The following JAKMIP3 variants were observed in gnomAD, a reference collection of about 807,000 sequenced individuals.
JAKMIP3 encodes the protein Janus kinase and microtubule interacting protein 3, also known as janus kinase and microtubule-interacting protein 3.
A neutral mutation model predicts 118.5 loss-of-function variants in JAKMIP3; 58 were observed. The observed-to-expected ratio is 0.49, with a 90% CI of 0.40 to 0.61. The LOEUF is 0.61. JAKMIP3 is among the 20% of genes least tolerant of loss of function. JAKMIP3 has a pLI of 0.00. For synonymous variants in JAKMIP3, 486 were observed against 451.2 expected, an observed-to-expected ratio of 1.08 and a Z score of -0.98; for missense variants, 950 against 1,109.0, an observed-to-expected ratio of 0.86 and a Z score of 2.04.
In JAKMIP3 at chr10:132,135,911, A is replaced by G. The variant is rs1321242594; in HGVS notation, c.970-19A>G. On this transcript the variant is annotated intron_variant, in intron 5 of 23. Coordinates refer to ENST00000684848, the MANE Select transcript of JAKMIP3 (RefSeq NM_001323087.2). Reference sequence around the variant, plus strand: ...TCTCCGTCACTTAAAGAACAATCACATAGTGCGTTGTCTTTCAGTTGAAGC... The same window carrying G: ...TCTCCGTCACTTAAAGAACAATCACGTAGTGCGTTGTCTTTCAGTTGAAGC... 8 of 1,606,384 alleles carry G rather than the reference A, an allele frequency of 5.0e-6. No individual in the cohort carries two copies. Among genetic ancestry groups the G allele is most frequent in the African/African-American group, 1.3e-5 (1 of 74,442 alleles).
chr10:132,069,757 T>G (rs2039524391), intron 1 of JAKMIP3, among the ~76,000 whole-genome samples: 1 of 152,174 alleles, frequency 6.6e-6, no homozygotes, highest in East Asian at 1.9e-4. Context: ...TCCAGTGACA[T>G]TTAGCAAAAA....
intron 23 of JAKMIP3, among the ~76,000 whole-genome samples, chr10:132,170,936 C>T (rs563686717): frequency 5.9e-5 from 9 of 152,348 alleles, no homozygotes; most frequent in African/African-American, 7.2e-5. Flanking sequence ...TGGCCCCAAG[C>T]GTCACGTTGC....
chr10:132,127,415 T>TGC (rs1222745711), intron 3 of JAKMIP3, among the ~76,000 whole-genome samples: 1 of 151,182 alleles, frequency 6.6e-6, no homozygotes, highest in African/African-American at 2.4e-5. Context: ...TGTGTGTGTG[T>TGC]GTGCGTGTGT....
chr10:132,139,964 A>C (rs2053146647), intron 9 of JAKMIP3, among the ~76,000 whole-genome samples: 1 of 152,132 alleles, frequency 6.6e-6, no homozygotes, highest in Non-Finnish European at 1.5e-5. Context: ...AAAGATGCAG[A>C]CGTCGGGGTG....
intron 14 of JAKMIP3, 135 bp from the exon 15 acceptor site, chr10:132,149,277 C>T (rs1309756846): frequency 2.6e-5 from 16 of 612,922 alleles, no homozygotes; most frequent in Non-Finnish European, 3.7e-5. Context: ...GCTGCCGCTG[C>T]GGTTTGGTTT....
At chr10:132,046,988 A>G (rs1317191015) in intron 1 of JAKMIP3, among the ~76,000 whole-genome samples, 1 of 152,104 alleles carries the variant, frequency 6.6e-6, no homozygotes, top group Non-Finnish European at 1.5e-5. Flanking sequence ...GGCTCAAGCA[A>G]TTGTCCTGCC....
intron 1 of JAKMIP3, among the ~76,000 whole-genome samples, chr10:132,088,786 C>T (rs1274310362): frequency 6.6e-6 from 1 of 152,152 alleles, no homozygotes; most frequent in East Asian, 1.9e-4. Flanking sequence ...CTTGCCCATG[C>T]CTATGTCCTG....
At position 132,182,777 on chromosome 10, in the gene JAKMIP3, G is replaced by A. The variant is rs138379291; in HGVS notation, c.*1524G>A. Reference sequence around the variant, plus strand: ...GGCTCATTTTATATTTGTGTCAGAAGAAATGTCTGACTTTGGGGCAGATGA... The same window carrying A: ...GGCTCATTTTATATTTGTGTCAGAAAAAATGTCTGACTTTGGGGCAGATGA... On this transcript the variant is annotated 3_prime_UTR_variant, in exon 24 of 24. Coordinates refer to ENST00000684848, the MANE Select transcript of JAKMIP3 (RefSeq NM_001323087.2). 1 of 152,304 alleles carries A rather than the reference G, an allele frequency of 6.6e-6. No individual in the cohort carries two copies. Among genetic ancestry groups the A allele is most frequent in the African/African-American group, 2.4e-5 (1 of 41,566 alleles). The allele number at this position is 152,304 out of a possible 1,614,324, so 9.4% of individuals were successfully genotyped here.
chr10:132,092,387 A>G lies in JAKMIP3; in HGVS notation c.-137-12285A>G, dbSNP rs1013403450. ...TTTCCAACTTGGTTCCATTCTCCCC[A>G]TCACTTTCAGGTACATCAGTCAGAC... On this transcript the variant is annotated intron_variant, in intron 1 of 23. Transcript: ENST00000684848. Among the ~76,000 whole-genome samples, 5 of 152,122 alleles carry G rather than the reference A, an allele frequency of 3.3e-5. 1 individual carries two copies. The highest frequency in any genetic ancestry group is 7.2e-5 in the African/African-American group (3 of 41,416).
At chr10:132,125,512 ACTTC>A (rs2049370145) in intron 3 of JAKMIP3, among the ~76,000 whole-genome samples, 1 of 152,216 alleles carries the variant, frequency 6.6e-6, no homozygotes, top group African/African-American at 2.4e-5. Context: ...AAGTTCTACA[ACTTC>A]CTTCTTTCCC....
chr10:132,058,989 T>G (rs1692845253), intron 1 of JAKMIP3, among the ~76,000 whole-genome samples: 1 of 152,190 alleles, frequency 6.6e-6, no homozygotes, highest in Non-Finnish European at 1.5e-5. Flanking sequence ...CACCGAGGAC[T>G]GTCCCAGGGC....
intron 6 of JAKMIP3, among the ~76,000 whole-genome samples, chr10:132,136,633 A>G (rs2051847437): frequency 1.3e-5 from 2 of 152,154 alleles, no homozygotes; most frequent in African/African-American, 4.8e-5. Context: ...ACCCCTCTCT[A>G]TGGAAGCCCC....
intron 1 of JAKMIP3, among the ~76,000 whole-genome samples, chr10:132,055,590 G>T (rs1041758799): frequency 6.6e-6 from 1 of 152,242 alleles, no homozygotes; most frequent in African/African-American, 2.4e-5. Context: ...TGTGTGCGCA[G>T]TTTGCCCGCC....
rs2060453856 is a variant in JAKMIP3, at chr10:132,179,093, C to G, written c.*1104-3264C>G. On this transcript the variant is annotated intron_variant, in intron 23 of 23. Transcript: ENST00000684848. The surrounding 1 kb of genome is among the most constrained non-coding windows in gnomAD (Gnocchi z 4.3). Reference sequence around the variant, plus strand: ...GGTGGTGCCCCAGGCATGCTGCCATCTCCTGTCCCTGCTGCCGCCCTTGGC... The same window carrying G: ...GGTGGTGCCCCAGGCATGCTGCCATGTCCTGTCCCTGCTGCCGCCCTTGGC... 6.6e-6 allele frequency among the ~76,000 whole-genome samples: 1 copy of G among 152,242 alleles called. No individual in the cohort carries two copies. Among genetic ancestry groups the G allele is most frequent in the African/African-American group, 2.4e-5 (1 of 41,460 alleles).
chr10:132,114,665 A>G (rs1301453947), intron 2 of JAKMIP3, among the ~76,000 whole-genome samples: 1 of 152,252 alleles, frequency 6.6e-6, no homozygotes, highest in African/African-American at 2.4e-5. Context: ...ATTGAATTGC[A>G]TTGAATCTAT....
At chr10:132,176,517 C>T (rs1038540393) in intron 23 of JAKMIP3, among the ~76,000 whole-genome samples, 3 of 152,210 alleles carry the variant, frequency 2.0e-5, no homozygotes, top group African/African-American at 4.8e-5. Flanking sequence ...CCTCTGACTT[C>T]GTGGCCCATC....
At chr10:132,158,943 G>A (rs532583101) in intron 19 of JAKMIP3, among the ~76,000 whole-genome samples, 9 of 132,640 alleles carry the variant, frequency 6.8e-5, no homozygotes, top group East Asian at 2.5e-4. Flanking sequence ...TGATGCTGGG[G>A]GGGGGGACCT....
intron 2 of JAKMIP3, among the ~76,000 whole-genome samples, chr10:132,107,622 T>G (rs1159280403): frequency 6.6e-6 from 1 of 152,202 alleles, no homozygotes; most frequent in Non-Finnish European, 1.5e-5. Flanking sequence ...GAGCCCTGCC[T>G]CCTCAAGCGT....
chr10:132,098,596 C>G (rs569904471), intron 1 of JAKMIP3, among the ~76,000 whole-genome samples: 77 of 152,252 alleles, frequency 5.1e-4, no homozygotes, highest in African/African-American at 1.8e-3. Context: ...GATCAGAGTG[C>G]GGACGTCCCT....
Sources: allele counts gnomAD v4.1 joint callset (sites outside exome capture counted in the v4.1 genomes callset), GRCh38; gene constraint gnomAD v4.1.1; non-coding constraint Gnocchi (gnomAD v3.1); transcripts MANE v1.5; gene names NCBI Gene and HGNC (gene_info 2026-07-23, HGNC 2026-07-21).